The following REEP5 variants were observed in gnomAD, a reference collection of about 807,000 sequenced individuals.
REEP5 encodes receptor expression-enhancing protein 5.
In REEP5, 24 loss-of-function variants were observed where a neutral mutation model predicts 22.4. That is an observed-to-expected ratio of 1.07 (90% CI 0.78 to 1.51). The LOEUF is 1.51. Among genes scored for constraint, REEP5 ranks in the 40% most tolerant of loss-of-function variants. The pLI, the probability that REEP5 is intolerant of heterozygous loss-of-function variation, is 0.00. For missense variants in REEP5, 252 were observed against 233.0 expected (o/e 1.08, Z -0.53); for synonymous variants, 103 against 88.6 (o/e 1.16, Z -0.92).
At chr5:112,891,592 T>C in intron 3 of REEP5, 6 of 1,557,538 alleles carry the variant, frequency 3.9e-6, no homozygotes, top group Non-Finnish European at 5.2e-6. Context: ...ATCTTCCATA[T>C]ATTCCCATAG....
intron 2 of REEP5, among the ~76,000 whole-genome samples, chr5:112,914,187 A>C (rs1438616848): frequency 6.6e-6 from 1 of 151,216 alleles, no homozygotes; most frequent in African/African-American, 2.4e-5. Context: ...CAGTGGCGCA[A>C]TCTCGGCTCA....
chr5:112,878,674 A>C lies in REEP5; in HGVS notation c.*112T>G, dbSNP rs578022613. The C allele has an allele frequency of 6.8e-7, 1 of 1,465,852 alleles. No homozygotes were observed. The highest frequency in any genetic ancestry group is 1.4e-5 in the African/African-American group (1 of 70,286). 90.8% of individuals were successfully genotyped at this position (1,465,852 alleles called of 1,614,324 possible). ...AACACATTCCAATCTTTAATATCTCAAAAATGTTTCCAAGGCAACATTATT... is the reference window on the plus strand; with the variant it reads ...AACACATTCCAATCTTTAATATCTCCAAAATGTTTCCAAGGCAACATTATT... On this transcript the variant is annotated 3_prime_UTR_variant, in exon 5 of 5. Coordinates refer to ENST00000379638, the MANE Select transcript of REEP5 (RefSeq NM_005669.5).
chr5:112,888,245 T>C (rs1768321792), intron 3 of REEP5, among the ~76,000 whole-genome samples: 1 of 152,238 alleles, frequency 6.6e-6, no homozygotes, highest in African/African-American at 2.4e-5. Context: ...TCTAAGACAG[T>C]CTTTCAGGTG....
rs866598951 is a variant in REEP5 at position 112,913,562 on chromosome 5, A to T, written c.212+7601T>A. Among the ~76,000 whole-genome samples, 572 of 144,038 alleles carry T rather than the reference A, an allele frequency of 4.0e-3. 7 individuals carry two copies. The highest frequency in any genetic ancestry group is 0.015 in the African/African-American group (555 of 37,214). 94.5% of individuals were successfully genotyped at this position (144,038 alleles called of 152,430 possible). On this transcript the variant is annotated intron_variant, in intron 2 of 4. Transcript: ENST00000379638. Reference sequence around the variant, plus strand: ...AAAAAAAAAAAAAAAAAAAAAAAAAAATTAAGATGAGTCTATAGAATACCT... The same window carrying T: ...AAAAAAAAAAAAAAAAAAAAAAAAATATTAAGATGAGTCTATAGAATACCT...
At chr5:112,920,575 T>C (rs996396517) in intron 2 of REEP5, among the ~76,000 whole-genome samples, 2 of 152,272 alleles carry the variant, frequency 1.3e-5, no homozygotes, top group Non-Finnish European at 2.9e-5. Context: ...AGCTCAATTA[T>C]ATAAATGACT....
intron 2 of REEP5, among the ~76,000 whole-genome samples, chr5:112,903,935 ATTCCC>A (rs1768900142): frequency 6.6e-6 from 1 of 152,086 alleles, no homozygotes; most frequent in African/African-American, 2.4e-5. Flanking sequence ...GGCTTATGTA[ATTCCC>A]TTCACTTCAG....
rs58737941 is a variant in REEP5, at chr5:112,881,128, C to CAAAAA, written c.521-2298_521-2294dup. 2.5e-3 allele frequency among the ~76,000 whole-genome samples: 165 copies of CAAAAA among 67,148 alleles called. 4 individuals carry two copies. The highest frequency in any genetic ancestry group is 3.8e-3 in the African/African-American group (62 of 16,438). The allele number at this position is 67,148 out of a possible 152,430, so 44.1% of individuals were successfully genotyped here. ...TGGGCAACAGAGTGAGACTCTGTTT[C>CAAAAA]AAAAAAAAAAAAAAAAAAAAAAAGC... On this transcript the variant is annotated intron_variant, in intron 4 of 4. Coordinates refer to ENST00000379638, the MANE Select transcript of REEP5 (RefSeq NM_005669.5).
intron 3 of REEP5, chr5:112,897,637 T>C (rs74817790): frequency 0.066 from 10,104 of 152,346 alleles, 399 homozygotes; most frequent in South Asian, 0.14. Context: ...ATACATCATA[T>C]ATTATCTTCT....
At chr5:112,917,633 C>T (rs1326891559) in intron 2 of REEP5, among the ~76,000 whole-genome samples, 1 of 152,174 alleles carries the variant, frequency 6.6e-6, no homozygotes, top group African/African-American at 2.4e-5. Flanking sequence ...TCACTAGCGC[C>T]CACCCTGGAG....
intron 3 of REEP5, among the ~76,000 whole-genome samples, chr5:112,890,750 T>C (rs1286240539): frequency 6.6e-6 from 1 of 150,798 alleles, no homozygotes; most frequent in East Asian, 2.0e-4. Flanking sequence ...TAATATAGTA[T>C]ATAGAGAGTA....
In REEP5 at chr5:112,878,110, G is replaced by GAAAC. The variant is rs1480090320; in HGVS notation, c.*672_*675dup. ...TGGTATTCATATGCCATATACTACGGAAACAACCAGGCCAATCTCCATTCG... is the reference window on the plus strand; with the variant it reads ...TGGTATTCATATGCCATATACTACGGAAACAAACAACCAGGCCAATCTCCATTCG... On this transcript the variant is annotated 3_prime_UTR_variant, in exon 5 of 5. Coordinates refer to ENST00000379638, the MANE Select transcript of REEP5 (RefSeq NM_005669.5). 2 of 152,164 alleles carry GAAAC rather than the reference G, an allele frequency of 1.3e-5. No individual in the cohort carries two copies. The highest frequency in any genetic ancestry group is 1.9e-4 in the East Asian group (1 of 5,190). 9.4% of individuals were successfully genotyped at this position (152,164 alleles called of 1,614,324 possible). A position where few individuals can be genotyped will look rare whatever the true frequency, so the allele number is the denominator to read the frequency against.
At chr5:112,911,167 T>C (rs1294697138) in intron 2 of REEP5, among the ~76,000 whole-genome samples, 2 of 152,240 alleles carry the variant, frequency 1.3e-5, no homozygotes, top group African/African-American at 4.8e-5. Flanking sequence ...AATCTTGTTA[T>C]ATATTAAGGA....
At chr5:112,897,299 T>G (rs1191337366) in intron 3 of REEP5, 1 of 151,638 alleles carries the variant, frequency 6.6e-6, no homozygotes, top group Non-Finnish European at 1.5e-5. Context: ...AAGACTACTC[T>G]AAGATGTAGG....
intron 3 of REEP5, chr5:112,893,700 G>C (rs1403821308): frequency 1.3e-5 from 2 of 152,296 alleles, no homozygotes; most frequent in Admixed American, 1.3e-4. Flanking sequence ...CTACGTGCAT[G>C]AATGTGCAAT....
chr5:112,911,191 G>C (rs545497395), intron 2 of REEP5, among the ~76,000 whole-genome samples: 1 of 152,200 alleles, frequency 6.6e-6, no homozygotes, highest in African/African-American at 2.4e-5. Context: ...AGGCGTGGGC[G>C]AGGAAGATTA....
At chr5:112,884,778 G>GC (rs1256489844) in intron 4 of REEP5, among the ~76,000 whole-genome samples, 127 of 107,570 alleles carry the variant, frequency 1.2e-3, no homozygotes, top group African/African-American at 5.4e-3. Context: ...TCCAGTCCTT[G>GC]GCCCCCCCCC....
At chr5:112,892,784 A>T in intron 3 of REEP5, 1 of 1,614,074 alleles carries the variant, frequency 6.2e-7, no homozygotes, top group South Asian at 1.1e-5. Flanking sequence ...TACAGCAGGC[A>T]GCGGGGAAGG....
intron 3 of REEP5, among the ~76,000 whole-genome samples, 168 bp downstream of exon 3, chr5:112,902,210 ATT>A: frequency 1.2e-5 from 1 of 85,318 alleles, no homozygotes; most frequent in Non-Finnish European, 2.1e-5. Flanking sequence ...TTGCTTGAGC[ATT>A]TTTTTGTTTT....
At chr5:112,878,971 G>C (rs1767982624) in intron 4 of REEP5, 136 bp from the exon 5 acceptor site, 1 of 1,390,582 alleles carries the variant, frequency 7.2e-7, no homozygotes, top group African/African-American at 1.4e-5. Context: ...ATCATGTTGG[G>C]GTTTGTGGTC....
Sources: allele counts gnomAD v4.1 joint callset (sites outside exome capture counted in the v4.1 genomes callset), GRCh38; gene constraint gnomAD v4.1.1; transcripts MANE v1.5; gene names NCBI Gene and HGNC (gene_info 2026-07-23, HGNC 2026-07-21).